The following MYO1B variants were observed in gnomAD, a reference collection of about 807,000 sequenced individuals.
MYO1B encodes myosin IB.
In MYO1B, 72 loss-of-function variants were observed where a neutral mutation model predicts 159.7. The observed-to-expected ratio is 0.45, with a 90% confidence interval of 0.37 to 0.55. The LOEUF is 0.55. Ranked by LOEUF, MYO1B falls within the 20% of genes least tolerant of loss-of-function variation. The pLI is 0.00. For synonymous variants in MYO1B, 468 were observed against 473.8 expected (o/e 0.99, Z 0.16); for missense variants, 1,062 against 1,364.8 (o/e 0.78, Z 3.50).
Position 191,374,914 on chromosome 2 carries a change from G to GA in MYO1B, c.1185+4628dup, listed in dbSNP as rs561250718. Among the ~76,000 whole-genome samples, 508 of 151,706 alleles carry GA rather than the reference G, an allele frequency of 3.3e-3. 3 individuals are homozygous for GA. The highest frequency in any genetic ancestry group is 6.8e-3 in the Middle Eastern group (2 of 294). ...ATAAAAGAACTGCTATTCTTTTTTTGAAAAAAGATATTAAGTTAAAAAGTA... is the reference window on the plus strand; with the variant it reads ...ATAAAAGAACTGCTATTCTTTTTTTGAAAAAAAGATATTAAGTTAAAAAGTA... On this transcript the variant is annotated intron_variant, in intron 13 of 30. Coordinates refer to ENST00000392318, the MANE Select transcript of MYO1B (RefSeq NM_001130158.3).
chr2:191,347,812 T>C (rs1692663616), intron 6 of MYO1B, among the ~76,000 whole-genome samples: 1 of 152,262 alleles, frequency 6.6e-6, no homozygotes, highest in Admixed American at 6.5e-5. Flanking sequence ...AAGTTACTAC[T>C]GTACCTAACA....
chr2:191,289,978 A>G (rs1688601634), intron 2 of MYO1B, among the ~76,000 whole-genome samples: 1 of 152,218 alleles, frequency 6.6e-6, no homozygotes, highest in South Asian at 2.1e-4. Context: ...CATTATTGAG[A>G]CTTACATAAT....
chr2:191,364,350 A>C, intron 11 of MYO1B, 74 bp downstream of exon 11: 5 of 1,242,256 alleles, frequency 4.0e-6, no homozygotes, highest in Non-Finnish European at 5.9e-6. Context: ...ATAAACAAAG[A>C]TTTTAGTTTA....
At chr2:191,411,001 T>G (rs1697219777) in intron 26 of MYO1B, 65 bp from the exon 27 acceptor site, 1 of 943,824 alleles carries the variant, frequency 1.1e-6, no homozygotes, top group Non-Finnish European at 1.6e-6. Context: ...CTTAGCATAT[T>G]TAAGAATGAG....
chr2:191,325,273 T>C lies in MYO1B; in HGVS notation c.252-4662T>C, dbSNP rs117056586. ...GATGGGAATTTTGAGACTGAGCTAT[T>C]TTGAGAGGTTTGAATTCCAAAGGAG... is the stretch of plus-strand genomic sequence containing the variant. On this transcript the variant is annotated intron_variant, in intron 3 of 30. Coordinates refer to ENST00000392318, the MANE Select transcript of MYO1B (RefSeq NM_001130158.3). Among the ~76,000 whole-genome samples, 102 of 152,298 alleles carry C rather than the reference T, an allele frequency of 6.7e-4. 1 individual carries two copies. The East Asian group carries it at 0.013, about 20-fold the overall frequency.
chr2:191,403,130 A>G (rs1196139174), intron 24 of MYO1B, among the ~76,000 whole-genome samples: 1 of 152,198 alleles, frequency 6.6e-6, no homozygotes, highest in South Asian at 2.1e-4. Flanking sequence ...TTCTGCTCCA[A>G]TAATGGCTGC....
intron 11 of MYO1B, among the ~76,000 whole-genome samples, chr2:191,368,635 A>G (rs1012108407): frequency 6.6e-6 from 1 of 152,214 alleles, no homozygotes; most frequent in Non-Finnish European, 1.5e-5. Flanking sequence ...TGTTCATTCT[A>G]TAACTTAAAA....
intron 3 of MYO1B, among the ~76,000 whole-genome samples, chr2:191,307,550 C>T (rs993948131): frequency 2.6e-5 from 4 of 152,106 alleles, no homozygotes; most frequent in South Asian, 2.1e-4. Flanking sequence ...TATTTTATCG[C>T]GCCCCTATTC....
intron 3 of MYO1B, among the ~76,000 whole-genome samples, chr2:191,308,404 A>G (rs145569630): frequency 3.6e-4 from 55 of 152,318 alleles, no homozygotes; most frequent in Non-Finnish European, 6.3e-4. Flanking sequence ...TCTGTATACA[A>G]TTTTAGAAAG....
chr2:191,335,228 T>G (rs760302170), intron 4 of MYO1B, among the ~76,000 whole-genome samples: 55 of 152,176 alleles, frequency 3.6e-4, no homozygotes, highest in Non-Finnish European at 6.8e-4. Flanking sequence ...TTGAGTCCTT[T>G]TCACTTATGG....
At chr2:191,361,326 G>A (rs1002504423) in intron 8 of MYO1B, among the ~76,000 whole-genome samples, 2 of 152,254 alleles carry the variant, frequency 1.3e-5, no homozygotes, top group Non-Finnish European at 2.9e-5. Context: ...CAAATTGCTA[G>A]GTGAATATTT....
chr2:191,279,251 C>T (rs1348571548), intron 2 of MYO1B, among the ~76,000 whole-genome samples: 1 of 152,158 alleles, frequency 6.6e-6, no homozygotes, highest in East Asian at 1.9e-4. Flanking sequence ...ACTTCAAACA[C>T]CTCATGTTGG....
intron 3 of MYO1B, 84 bp from the exon 4 acceptor site, chr2:191,329,851 C>T: frequency 1.8e-6 from 2 of 1,089,242 alleles, no homozygotes; most frequent in Non-Finnish European, 2.7e-6. Flanking sequence ...TCACAGTGGC[C>T]CTTTAAGGAG....
chr2:191,247,436 C>T (rs1685857672), intron 1 of MYO1B, among the ~76,000 whole-genome samples: 1 of 152,170 alleles, frequency 6.6e-6, no homozygotes, highest in Non-Finnish European at 1.5e-5. Context: ...GTATAAGCTA[C>T]TGCTGAGGGT....
chr2:191,275,622 C>T (rs534810286), intron 1 of MYO1B, among the ~76,000 whole-genome samples: 3 of 152,222 alleles, frequency 2.0e-5, no homozygotes, highest in African/African-American at 7.2e-5. Context: ...ACATAGTGTG[C>T]CGAAGTGACT....
At chr2:191,364,476 A>T (rs541124055) in intron 11 of MYO1B, among the ~76,000 whole-genome samples, 200 bp downstream of exon 11, 1 of 152,308 alleles carries the variant, frequency 6.6e-6, no homozygotes, top group East Asian at 1.9e-4. Flanking sequence ...GAATTAGATG[A>T]TAATCAGTAG....
At chr2:191,340,741 T>C (rs1692166999) in intron 4 of MYO1B, among the ~76,000 whole-genome samples, 1 of 152,006 alleles carries the variant, frequency 6.6e-6, no homozygotes, top group African/African-American at 2.4e-5. Flanking sequence ...TGTTTTTTTT[T>C]TTGAGACAGA....
intron 1 of MYO1B, among the ~76,000 whole-genome samples, chr2:191,275,732 C>T (rs1687712552): frequency 6.6e-6 from 1 of 152,218 alleles, no homozygotes; most frequent in African/African-American, 2.4e-5. Context: ...AGTATCAGCA[C>T]ACTGAAGTTA....
intron 3 of MYO1B, among the ~76,000 whole-genome samples, chr2:191,327,593 C>T (rs1039031723): frequency 6.6e-6 from 1 of 152,210 alleles, no homozygotes; most frequent in Admixed American, 6.5e-5. Flanking sequence ...TTTTCTGCCT[C>T]TGTGTTCATT....
Sources: allele counts gnomAD v4.1 joint callset (sites outside exome capture counted in the v4.1 genomes callset), GRCh38; gene constraint gnomAD v4.1.1; transcripts MANE v1.5; gene names NCBI Gene and HGNC (gene_info 2026-07-23, HGNC 2026-07-21).